The following CEP250 variants were observed in gnomAD, a reference collection of about 807,000 sequenced individuals.
CEP250 encodes centrosomal protein 250.
Under a neutral mutation model 315.7 loss-of-function variants are expected in CEP250, and 242 were observed. That is an observed-to-expected ratio of 0.77 (90% CI 0.69 to 0.85). The LOEUF is 0.85. Ranked by LOEUF, CEP250 falls within the 40% of genes least tolerant of loss-of-function variation. The probability of loss-of-function intolerance (pLI) is 0.00; values close to 1 mark genes in which losing one functional copy is unlikely to be tolerated. For missense variants in CEP250, 2,515 were observed against 2,886.4 expected (o/e 0.87, Z 2.95); for synonymous variants, 1,088 against 1,175.0 (o/e 0.93, Z 1.51).
intron 21 of CEP250, 95 bp from the exon 22 acceptor site, chr20:35,491,117 G>A: frequency 6.9e-7 from 1 of 1,459,376 alleles, no homozygotes; most frequent in Non-Finnish European, 9.3e-7. Context: ...CCATTTGCTA[G>A]GAGAGCCCTA....
At chr20:35,468,838 G>C (rs2062955176) in intron 9 of CEP250, among the ~76,000 whole-genome samples, 7 of 152,066 alleles carry the variant, frequency 4.6e-5, no homozygotes, top group Admixed American at 4.6e-4. Flanking sequence ...ACTATGCCTG[G>C]CTAACTTTTT....
intron 31 of CEP250, 89 bp from the exon 32 acceptor site, chr20:35,507,946 A>T: frequency 6.2e-7 from 1 of 1,600,686 alleles, no homozygotes; most frequent in South Asian, 1.1e-5. Context: ...CCTGAAGCTT[A>T]AACCTGCCAG....
chr20:35,484,182 C>A (rs1391159858), intron 20 of CEP250, among the ~76,000 whole-genome samples: 1 of 149,360 alleles, frequency 6.7e-6, no homozygotes, highest in Non-Finnish European at 1.5e-5. Flanking sequence ...CTTTTTTTTT[C>A]TTTTTTCTTT....
At chr20:35,460,672 G>T (rs1244307320) in intron 3 of CEP250, among the ~76,000 whole-genome samples, 5 of 152,240 alleles carry the variant, frequency 3.3e-5, no homozygotes, top group Admixed American at 2.6e-4. Flanking sequence ...TTCCAAAGGA[G>T]CCAGAAATAT....
Position 35,467,086 on chromosome 20 carries a change from G to A in CEP250, c.599+14G>A. On this transcript the variant is annotated intron_variant, in intron 8 of 34. Transcript: ENST00000397527. ...AGCTACTGACAGGTCAGTGTGGGGA[G>A]AAGAAGGGAGGAGGTTTGCCCCTAC... The A allele has an allele frequency of 1.9e-6, 3 of 1,557,548 alleles. No homozygotes were observed. Among genetic ancestry groups the A allele is most frequent in the Non-Finnish European group, 1.8e-6 (2 of 1,142,728 alleles).
At chr20:35,491,491 G>A in intron 22 of CEP250, 145 bp downstream of exon 22, 1 of 921,388 alleles carries the variant, frequency 1.1e-6, no homozygotes, top group South Asian at 1.6e-5. Context: ...GGCACAGGCT[G>A]GGCAGGGTAG....
intron 30 of CEP250, 45 bp from the exon 31 acceptor site, chr20:35,507,693 T>G: frequency 4.1e-6 from 6 of 1,467,274 alleles, no homozygotes; most frequent in Non-Finnish European, 5.6e-6. Flanking sequence ...GGTCTGGATA[T>G]GAGGTTGGCA....
At position 35,478,102 on chromosome 20, in the gene CEP250, G is replaced by A. The variant is rs762000140; in HGVS notation, c.2094+1G>A. 11 of 1,602,818 alleles carry A rather than the reference G, an allele frequency of 6.9e-6. No individual in the cohort carries two copies. The highest frequency in any genetic ancestry group is 4.0e-5 in the African/African-American group (3 of 74,626). ...AGAAATTCAAAAGAAACTAAGTGAG[G>A]TGAGAAGCCAAAATGGACACCATCA... On this transcript the variant is annotated splice_donor_variant, in intron 17 of 34. Transcript: ENST00000397527. LOFTEE classifies it high-confidence loss of function.
At chr20:35,470,181 A>G (rs1163286888) in intron 10 of CEP250, 195 bp downstream of exon 10, 9 of 605,500 alleles carry the variant, frequency 1.5e-5, no homozygotes, top group Admixed American at 6.1e-5. Flanking sequence ...TTGACTGTCT[A>G]CTATCCCTAC....
chr20:35,487,779 A>C (rs1265838987), intron 20 of CEP250, among the ~76,000 whole-genome samples: 1 of 152,220 alleles, frequency 6.6e-6, no homozygotes, highest in Non-Finnish European at 1.5e-5. Flanking sequence ...CTAAATAAAT[A>C]AAATATAAAA....
At position 35,480,009 on chromosome 20, in the gene CEP250, C is replaced by T; in HGVS notation, c.2450C>T (p.Thr817Ile). Residue 817 changes from threonine to isoleucine, a missense_variant, in exon 20 of 35, where the codon ACT becomes ATT. By Grantham distance (89) the Thr-to-Ile change is moderately conservative (BLOSUM62 -1). Coordinates refer to ENST00000397527, the MANE Select transcript of CEP250 (RefSeq NM_007186.6). ...AGGTGCCTGAAGCTGGAACTGGACACTGAACGGAGTCAGGCAGAGCAGGAG... is the reference window on the plus strand; with the variant it reads ...AGGTGCCTGAAGCTGGAACTGGACATTGAACGGAGTCAGGCAGAGCAGGAG... ...EVRCLKLELD[T>I]ERSQAEQERD... is the part of the protein sequence containing the mutation. 1 of 1,613,828 alleles carries T rather than the reference C, an allele frequency of 6.2e-7. No homozygotes were observed. The highest frequency in any genetic ancestry group is 8.5e-7 in the Non-Finnish European group (1 of 1,180,006).
At chr20:35,479,454 C>G (rs1346597706) in intron 18 of CEP250, 30 bp downstream of exon 18, 9 of 1,593,420 alleles carry the variant, frequency 5.6e-6, no homozygotes, top group Non-Finnish European at 7.7e-6. Context: ...CAGCCAAGCA[C>G]AGAGAGAGCT....
rs2064406222 is a variant in CEP250 at position 35,514,072 on chromosome 20, C to G, written c.*2446C>G. 6.6e-6 allele frequency: 1 copy of G among 152,300 alleles called. No homozygotes were observed. The highest frequency in any genetic ancestry group is 1.5e-5 in the Non-Finnish European group (1 of 68,078). The allele number at this position is 152,300 out of a possible 1,614,324, so 9.4% of individuals were successfully genotyped here. On this transcript the variant is annotated 3_prime_UTR_variant, in exon 35 of 35. Transcript: ENST00000397527. ...AGTGTCCCACCAATAATGGTGACAACTGCTGTTTTCATCAGCTCCAGACCC... is the reference window on the plus strand; with the variant it reads ...AGTGTCCCACCAATAATGGTGACAAGTGCTGTTTTCATCAGCTCCAGACCC...
chr20:35,494,309 G>A (rs535337540), intron 23 of CEP250: 1 of 559,614 alleles, frequency 1.8e-6, no homozygotes, highest in South Asian at 2.1e-5. Context: ...CCTCTATGCA[G>A]CATATGTGAG....
chr20:35,507,866 C>G lies in CEP250; in HGVS notation c.6750+15C>G. On this transcript the variant is annotated intron_variant, in intron 31 of 34. Coordinates refer to ENST00000397527, the MANE Select transcript of CEP250 (RefSeq NM_007186.6). ...AGCTGGGAGAGGTGAGCTGGGGGCTCTGGGGGAACAGGTGACCCAGCAGGG... is the reference window on the plus strand; with the variant it reads ...AGCTGGGAGAGGTGAGCTGGGGGCTGTGGGGGAACAGGTGACCCAGCAGGG... 1 of 1,609,376 alleles carries G rather than the reference C, an allele frequency of 6.2e-7. No individual in the cohort carries two copies.
chr20:35,485,148 G>A (rs964366179), intron 20 of CEP250, among the ~76,000 whole-genome samples: 5 of 151,830 alleles, frequency 3.3e-5, no homozygotes, highest in East Asian at 1.9e-4. Flanking sequence ...CTAGGTGGCC[G>A]GATCACCTGA....
At position 35,516,143 on chromosome 20, in the gene CEP250, G is replaced by T. The variant is rs1409145072; in HGVS notation, c.*4517G>T. On this transcript the variant is annotated 3_prime_UTR_variant, in exon 35 of 35. Coordinates refer to ENST00000397527, the MANE Select transcript of CEP250 (RefSeq NM_007186.6). ...ATGGGTCAGGGGTAGGAGGAGAGAT[G>T]AGTCTCTGCCAAGGCTGTGTGATGT... 1 of 152,366 alleles carries T rather than the reference G, an allele frequency of 6.6e-6. No homozygotes were observed. The highest frequency in any genetic ancestry group is 1.5e-5 in the Non-Finnish European group (1 of 68,122). 9.4% of individuals were successfully genotyped at this position (152,366 alleles called of 1,614,324 possible). A position where few individuals can be genotyped will look rare whatever the true frequency, so the allele number is the denominator to read the frequency against.
chr20:35,491,435 CA>C, intron 22 of CEP250, 89 bp downstream of exon 22: 1 of 1,404,798 alleles, frequency 7.1e-7, no homozygotes, highest in South Asian at 1.3e-5. Flanking sequence ...TCTTATGTGC[CA>C]GGCCCTGTGC....
Position 35,475,655 on chromosome 20 carries a change from C to T in CEP250, c.1716+9C>T, listed in dbSNP as rs2063150688. ...CCGCAGCGCTGGCTAGGGTGCGTGG[C>T]CTCCTCTCCTCACTTGCTGGGTGGG... On this transcript the variant is annotated intron_variant, in intron 15 of 34. Coordinates refer to ENST00000397527, the MANE Select transcript of CEP250 (RefSeq NM_007186.6). The T allele has an allele frequency of 6.2e-7, 1 of 1,612,216 alleles. No homozygotes were observed. The highest frequency in any genetic ancestry group is 8.5e-7 in the Non-Finnish European group (1 of 1,179,556).
Sources: gnomAD v4.1 joint callset for allele counts (sites outside exome capture counted in the v4.1 genomes callset) on GRCh38, gnomAD v4.1.1 for gene constraint, MANE v1.5 for transcripts, NCBI Gene and HGNC (gene_info 2026-07-23, HGNC 2026-07-21) for gene names.